SLC9A2: variants seen among roughly 807,000 people sequenced by gnomAD.
SLC9A2 encodes the protein sodium/hydrogen exchanger 2.
SLC9A2 carries 42 observed loss-of-function variants against 71.7 expected under a neutral mutation model. The observed-to-expected ratio is 0.59, with a 90% confidence interval of 0.46 to 0.76. The LOEUF (loss-of-function observed/expected upper bound fraction) is 0.76, where lower values mean the gene tolerates loss of function less well. SLC9A2 is among the 30% of genes least tolerant of loss of function. The pLI is 0.00. For missense variants in SLC9A2, 829 were observed against 1,017.4 expected (o/e 0.81, Z 2.52); for synonymous variants, 396 against 392.5 (o/e 1.01, Z -0.10).
chr2:102,681,850 T>A (rs1677457475), intron 3 of SLC9A2, among the ~76,000 whole-genome samples: 1 of 152,254 alleles, frequency 6.6e-6, no homozygotes, highest in African/African-American at 2.4e-5. Flanking sequence ...TTGTTTTCTA[T>A]GTGAACAACA....
At chr2:102,627,530 T>A (rs955483726) in intron 1 of SLC9A2, among the ~76,000 whole-genome samples, 1 of 152,158 alleles carries the variant, frequency 6.6e-6, no homozygotes, top group African/African-American at 2.4e-5. Context: ...TTTTTAAAAA[T>A]TTATTGGAAG....
chr2:102,707,350 C>A (rs1678001956), intron 11 of SLC9A2, among the ~76,000 whole-genome samples: 1 of 135,642 alleles, frequency 7.4e-6, no homozygotes. Flanking sequence ...AAGAGGGAAA[C>A]CTAAATGATG....
chr2:102,659,118 T>C (rs1299766200), intron 2 of SLC9A2, among the ~76,000 whole-genome samples: 4 of 152,104 alleles, frequency 2.6e-5, no homozygotes, highest in Non-Finnish European at 5.9e-5. Context: ...TCCTGACTCA[T>C]TTAAAAGTCT....
At chr2:102,656,200 C>T (rs758693805) in intron 1 of SLC9A2, among the ~76,000 whole-genome samples, 6 of 151,772 alleles carry the variant, frequency 4.0e-5, no homozygotes, top group Admixed American at 2.0e-4. Flanking sequence ...TCACTTTCCA[C>T]GTTGCCTCCA....
intron 3 of SLC9A2, among the ~76,000 whole-genome samples, chr2:102,679,204 TG>T (rs890316087): frequency 4.6e-5 from 7 of 152,160 alleles, no homozygotes; most frequent in South Asian, 4.1e-4. Flanking sequence ...TCTTTCTTCC[TG>T]TTCAGTGTCT....
chr2:102,700,845 A>G (rs1315703042), intron 7 of SLC9A2, among the ~76,000 whole-genome samples: 1 of 152,070 alleles, frequency 6.6e-6, no homozygotes, highest in African/African-American at 2.4e-5. Context: ...ACATATGTAT[A>G]CATACACATA....
In SLC9A2 at chr2:102,666,380, G is replaced by A. The variant is rs6740616; in HGVS notation, c.1004+1030G>A. 3.0e-3 allele frequency among the ~76,000 whole-genome samples: 450 copies of A among 152,082 alleles called. 1 individual carries two copies. The highest frequency in any genetic ancestry group is 0.01 in the African/African-American group (429 of 41,476). ...CGGGCTAATTTTTTTTGTATTTTTA[G>A]TAGAGACGGGGTTTCACCGTGTGAG... On this transcript the variant is annotated intron_variant, in intron 3 of 11. Transcript: ENST00000233969.
chr2:102,653,968 G>T (rs989014029), intron 1 of SLC9A2, among the ~76,000 whole-genome samples: 2 of 152,214 alleles, frequency 1.3e-5, no homozygotes, highest in African/African-American at 2.4e-5. Context: ...TACCCAGCAG[G>T]TGCATTTGTG....
intron 1 of SLC9A2, among the ~76,000 whole-genome samples, chr2:102,641,796 G>A (rs1437489667): frequency 6.6e-6 from 1 of 150,980 alleles, no homozygotes; most frequent in African/African-American, 2.4e-5. Flanking sequence ...CTGTAAGTTA[G>A]GACAGAAAAC....
chr2:102,640,200 C>A (rs961645277), intron 1 of SLC9A2, among the ~76,000 whole-genome samples: 17 of 152,346 alleles, frequency 1.1e-4, no homozygotes, highest in Middle Eastern at 3.4e-3. Flanking sequence ...TGTTACCATA[C>A]TAGGAAGAAA....
chr2:102,670,668 T>A (rs1216290623), intron 3 of SLC9A2, among the ~76,000 whole-genome samples: 4 of 149,712 alleles, frequency 2.7e-5, no homozygotes, highest in Non-Finnish European at 5.9e-5. Flanking sequence ...AGGAAATTTG[T>A]AACGGGAATT....
chr2:102,621,906 T>A (rs1479834075), intron 1 of SLC9A2, among the ~76,000 whole-genome samples: 1 of 151,944 alleles, frequency 6.6e-6, no homozygotes, highest in African/African-American at 2.4e-5. Flanking sequence ...AGACATAAAT[T>A]GGGAGAGGAG....
At chr2:102,660,300 G>A (rs1558711005) in intron 2 of SLC9A2, among the ~76,000 whole-genome samples, 1 of 152,152 alleles carries the variant, frequency 6.6e-6, no homozygotes, top group Non-Finnish European at 1.5e-5. Context: ...GCTTTGAGGT[G>A]GAAGCTCTTA....
At chr2:102,701,372 A>C (rs1465845565) in intron 8 of SLC9A2, 141 bp downstream of exon 8, 3 of 604,704 alleles carry the variant, frequency 5.0e-6, no homozygotes, top group Non-Finnish European at 8.3e-6. Flanking sequence ...GATTACAGGC[A>C]TGAGCCACTG....
chr2:102,683,529 A>T (rs761343835), intron 4 of SLC9A2, 51 bp downstream of exon 4: 55 of 1,382,480 alleles, frequency 4.0e-5, no homozygotes, highest in East Asian at 2.3e-5. Context: ...CACTAATTGA[A>T]TGGGGCTTTC....
chr2:102,672,771 TTCC>T (rs1448505696), intron 3 of SLC9A2, among the ~76,000 whole-genome samples: 8 of 152,144 alleles, frequency 5.3e-5, no homozygotes, highest in Non-Finnish European at 1.0e-4. Flanking sequence ...TTAAAACAGA[TTCC>T]CTGGGTTGAG....
intron 1 of SLC9A2, among the ~76,000 whole-genome samples, chr2:102,654,498 A>C (rs28413590): frequency 6.6e-6 from 1 of 152,122 alleles, no homozygotes; most frequent in African/African-American, 2.4e-5. Context: ...TTTATTATTT[A>C]ACAGTTCTTT....
intron 1 of SLC9A2, among the ~76,000 whole-genome samples, chr2:102,621,684 C>T (rs551041628): frequency 2.6e-5 from 4 of 152,332 alleles, no homozygotes; most frequent in Admixed American, 1.3e-4. Context: ...AGGGAGCTTA[C>T]TGATGAGTGG....
chr2:102,649,147 C>T (rs560901658), intron 1 of SLC9A2, among the ~76,000 whole-genome samples: 195 of 152,266 alleles, frequency 1.3e-3, no homozygotes, highest in Non-Finnish European at 2.3e-3. Context: ...TGGAACAGAA[C>T]AGAGGCCTCA....
Sources: allele counts gnomAD v4.1 joint callset (sites outside exome capture counted in the v4.1 genomes callset), GRCh38; gene constraint gnomAD v4.1.1; transcripts MANE v1.5; gene names NCBI Gene and HGNC (gene_info 2026-07-23, HGNC 2026-07-21).